ULK2: variants seen among roughly 807,000 people sequenced by gnomAD.
ULK2 encodes unc-51 like autophagy activating kinase 2.
ULK2 carries 76 observed loss-of-function variants against 127.5 expected under a neutral mutation model. The ratio of observed to expected loss-of-function variants is 0.60; its 90% CI spans 0.50 to 0.72. The LOEUF (loss-of-function observed/expected upper bound fraction) is 0.72, where lower values mean the gene tolerates loss of function less well. ULK2 is among the 30% of genes least tolerant of loss of function. ULK2 has a pLI of 0.00. For missense variants in ULK2, 1,144 were observed against 1,295.9 expected (o/e 0.88, Z 1.80); for synonymous variants, 452 against 461.9 (o/e 0.98, Z 0.28).
At chr17:19,797,086 G>A (rs1175453210) in intron 18 of ULK2, among the ~76,000 whole-genome samples, 1 of 152,122 alleles carries the variant, frequency 6.6e-6, no homozygotes, top group Admixed American at 6.5e-5. Flanking sequence ...TTGAGGCCAG[G>A]AGTTAAAGAC....
intron 3 of ULK2, chr17:19,861,051 C>T (rs1200150814): frequency 6.7e-6 from 1 of 149,612 alleles, no homozygotes; most frequent in Non-Finnish European, 1.5e-5. Flanking sequence ...GCGACAAGAG[C>T]AAGACTTCTT....
chr17:19,864,368 G>A (rs563642046), intron 3 of ULK2, among the ~76,000 whole-genome samples: 27 of 151,904 alleles, frequency 1.8e-4, no homozygotes, highest in Non-Finnish European at 3.7e-4. Flanking sequence ...CTAGCTACTC[G>A]GGAGGCTGAG....
intron 12 of ULK2, among the ~76,000 whole-genome samples, chr17:19,822,458 T>G (rs1269447863): frequency 6.6e-6 from 1 of 150,984 alleles, no homozygotes; most frequent in Non-Finnish European, 1.5e-5. Context: ...GCCTCCTGGG[T>G]TCAAGTGATT....
chr17:19,854,204 G>A (rs2042076774), intron 3 of ULK2, among the ~76,000 whole-genome samples: 1 of 150,410 alleles, frequency 6.6e-6, no homozygotes, highest in South Asian at 2.1e-4. Flanking sequence ...CTTGAACCCA[G>A]AAGACGAAGG....
chr17:19,857,831 C>T (rs1039671823), intron 3 of ULK2, among the ~76,000 whole-genome samples: 4 of 152,138 alleles, frequency 2.6e-5, no homozygotes, highest in Admixed American at 6.5e-5. Flanking sequence ...ACTATGCTCT[C>T]GCTCTCATTA....
At chr17:19,815,361 CCA>C (rs929720200) in intron 13 of ULK2, among the ~76,000 whole-genome samples, 20 of 152,178 alleles carry the variant, frequency 1.3e-4, no homozygotes, top group African/African-American at 4.8e-4. Flanking sequence ...CCCAGGGACC[CCA>C]GTGCTCCTGG....
chr17:19,832,797 C>T (rs1027402450), intron 10 of ULK2, among the ~76,000 whole-genome samples: 2 of 152,066 alleles, frequency 1.3e-5, no homozygotes, highest in Non-Finnish European at 2.9e-5. Flanking sequence ...AACAATATTC[C>T]GCAGATTTCG....
intron 10 of ULK2, among the ~76,000 whole-genome samples, chr17:19,831,837 A>C (rs1447284976): frequency 1.3e-5 from 2 of 151,626 alleles, no homozygotes; most frequent in Admixed American, 6.6e-5. Flanking sequence ...AAAAAAAAGA[A>C]GAAATAGGCC....
chr17:19,865,574 C>T (rs1330600780), intron 2 of ULK2, among the ~76,000 whole-genome samples, 162 bp downstream of exon 2: 4 of 152,014 alleles, frequency 2.6e-5, no homozygotes, highest in East Asian at 1.9e-4. Context: ...AAATAGCTTC[C>T]GAGTACTCAA....
At chr17:19,863,800 G>C (rs915556190) in intron 3 of ULK2, among the ~76,000 whole-genome samples, 1 of 151,978 alleles carries the variant, frequency 6.6e-6, no homozygotes, top group Non-Finnish European at 1.5e-5. Context: ...GAGTAATTTT[G>C]ACTATACAGA....
Position 19,804,752 on chromosome 17 carries a change from G to C in ULK2, c.1236C>G (p.Arg412=). Residue 412 remains arginine, a synonymous_variant, in exon 15 of 27, where the codon CGC becomes CGG. Transcript: ENST00000395544. ...PVPTQIRNYQ[R]IEQNLTSTAS... Reference sequence around the variant, plus strand: ...CAGTAGATGTAAGATTCTGCTCTATGCGCTGATAATTCCTTATTTGAGTAG... The same window carrying C: ...CAGTAGATGTAAGATTCTGCTCTATCCGCTGATAATTCCTTATTTGAGTAG... 6.2e-7 allele frequency: 1 copy of C among 1,612,946 alleles called. No homozygotes were observed. The highest frequency in any genetic ancestry group is 1.7e-5 in the Admixed American group (1 of 59,946).
chr17:19,801,681 G>A, intron 16 of ULK2, 96 bp downstream of exon 16: 3 of 1,536,686 alleles, frequency 2.0e-6, no homozygotes, highest in Non-Finnish European at 2.7e-6. Context: ...GAGAATCACT[G>A]CCATCATGAG....
Position 19,842,190 on chromosome 17 carries a change from C to CTGT in ULK2, c.646-644_646-643insACA, listed in dbSNP as rs1475962455. Among the ~76,000 whole-genome samples the CTGT allele has an allele frequency of 1.4e-3, 121 of 88,356 alleles. 3 individuals are homozygous for CTGT. The highest frequency in any genetic ancestry group is 5.0e-3 in the African/African-American group (117 of 23,326). 58.0% of individuals were successfully genotyped at this position (88,356 alleles called of 152,430 possible). A position where few individuals can be genotyped will look rare whatever the true frequency, so the allele number is the denominator to read the frequency against. On this transcript the variant is annotated intron_variant, in intron 8 of 26. Coordinates refer to ENST00000395544, the MANE Select transcript of ULK2 (RefSeq NM_014683.4). Reference sequence around the variant, plus strand: ...TGGCTGTGTCACTAATTTTCTTTTTCTTTTTTTTTTTTTTTTTTTTTTTTG... The same window carrying CTGT: ...TGGCTGTGTCACTAATTTTCTTTTTCTGTTTTTTTTTTTTTTTTTTTTTTTTTG...
intron 20 of ULK2, among the ~76,000 whole-genome samples, chr17:19,793,258 A>G (rs144497799): frequency 4.6e-5 from 7 of 152,300 alleles, no homozygotes; most frequent in African/African-American, 1.4e-4. Flanking sequence ...AACTGCCCCC[A>G]TGATTCAATT....
intron 6 of ULK2, 67 bp downstream of exon 6, chr17:19,846,670 A>G: frequency 6.8e-7 from 1 of 1,480,144 alleles, no homozygotes; most frequent in South Asian, 1.5e-5. Flanking sequence ...TCATTCAACA[A>G]AGCTAAAGTT....
intron 23 of ULK2, 133 bp from the exon 24 acceptor site, chr17:19,781,237 C>CTT: frequency 1.9e-6 from 1 of 529,990 alleles, no homozygotes; most frequent in Non-Finnish European, 3.2e-6. Flanking sequence ...TTTCTTCTTT[C>CTT]TTTTCTTTTT....
rs1006614700 is a variant in ULK2, at chr17:19,777,476, G to A, written c.3052+105C>T. ...GATTTGCACAAGGCTGGAAAGCCAC[G>A]ATTCAAACCAAGGCAGAATTCCAAA... is the stretch of plus-strand genomic sequence containing the variant. On this transcript the variant is annotated intron_variant, in intron 26 of 26. Transcript: ENST00000395544. The A allele has an allele frequency of 2.6e-5, 34 of 1,290,854 alleles. No homozygotes were observed. The East Asian group carries it at 2.9e-4, about 11-fold the overall frequency. The allele number at this position is 1,290,854 out of a possible 1,614,324, so 80.0% of individuals were successfully genotyped here.
At chr17:19,804,198 T>G (rs998679259) in intron 15 of ULK2, among the ~76,000 whole-genome samples, 2 of 150,442 alleles carry the variant, frequency 1.3e-5, no homozygotes, top group Non-Finnish European at 1.5e-5. Context: ...GCCTGGTCAA[T>G]GTAGTGAGAC....
rs2086791694 is a variant in ULK2, at chr17:19,775,124, T to TTATTCAAG, written c.*1217_*1224dup. The TTATTCAAG allele has an allele frequency of 6.6e-6, 1 of 152,628 alleles. No homozygotes were observed. The highest frequency in any genetic ancestry group is 2.4e-5 in the African/African-American group (1 of 41,456). 9.5% of individuals were successfully genotyped at this position (152,628 alleles called of 1,614,324 possible). On this transcript the variant is annotated 3_prime_UTR_variant, in exon 27 of 27. Transcript: ENST00000395544. ...AAAAGGATTAAAATTGGTGAATGGT[T>TTATTCAAG]TATTCAAGTATTCAAGCAGGTAAGT... is the stretch of plus-strand genomic sequence containing the variant.
Sources: gnomAD v4.1 joint callset for allele counts (sites outside exome capture counted in the v4.1 genomes callset) on GRCh38, gnomAD v4.1.1 for gene constraint, MANE v1.5 for transcripts, NCBI Gene and HGNC (gene_info 2026-07-23, HGNC 2026-07-21) for gene names.